RORA: variants seen among roughly 807,000 people sequenced by gnomAD.
The protein encoded by RORA is nuclear receptor ROR-alpha.
RORA carries 7 observed loss-of-function variants against 69.5 expected under a neutral mutation model. The observed-to-expected ratio is 0.10, with a 90% CI of 0.06 to 0.19. RORA has a LOEUF of 0.19. Ranked by LOEUF, RORA falls within the 10% of genes least tolerant of loss-of-function variation. The probability of loss-of-function intolerance (pLI) is 1.00; values close to 1 mark genes in which losing one functional copy is unlikely to be tolerated. For missense variants in RORA, 457 were observed against 663.0 expected, an observed-to-expected ratio of 0.69 and a Z score of 3.41; for synonymous variants, 261 against 240.8, an observed-to-expected ratio of 1.08 and a Z score of -0.78.
chr15:60,639,727 T>C (rs149155412), intron 2 of RORA, among the ~76,000 whole-genome samples: 81 of 152,268 alleles, frequency 5.3e-4, no homozygotes, highest in African/African-American at 1.8e-3. Context: ...CTGTCTCTCA[T>C]AGTTAAAGTG....
intron 1 of RORA, among the ~76,000 whole-genome samples, chr15:60,919,451 T>A (rs1048802805): frequency 7.9e-5 from 12 of 152,196 alleles, no homozygotes; most frequent in African/African-American, 2.9e-4. Context: ...AATTCCTTCA[T>A]GAGGGAGGAG....
intron 1 of RORA, among the ~76,000 whole-genome samples, chr15:61,020,848 T>A (rs995724223): frequency 7.9e-5 from 12 of 152,196 alleles, no homozygotes; most frequent in Non-Finnish European, 1.8e-4. Flanking sequence ...CTTTTCTCCT[T>A]CCCAAATGGT....
intron 1 of RORA, among the ~76,000 whole-genome samples, chr15:60,913,106 C>T (rs1323889697): frequency 6.6e-6 from 1 of 152,148 alleles, no homozygotes; most frequent in Non-Finnish European, 1.5e-5. Flanking sequence ...CTAAAGTAGG[C>T]TCCACAAAAC....
intron 2 of RORA, among the ~76,000 whole-genome samples, chr15:60,638,887 A>T (rs902729410): frequency 1.3e-5 from 2 of 152,090 alleles, no homozygotes; most frequent in Non-Finnish European, 2.9e-5. Context: ...TTCCCATTTT[A>T]CTTTAATGGT....
rs141152992 is a variant in RORA, at chr15:60,901,058, G to A, written c.167-222372C>T. Among the ~76,000 whole-genome samples, 37 of 152,172 alleles carry A rather than the reference G, an allele frequency of 2.4e-4. No homozygotes were observed. In the East Asian group the frequency reaches 3.5e-3, roughly 14 times the overall value. ...CATATGTGTTTAGTATTGAAATTAT[G>A]CCTATATGTAGAAGGCACACAATAA... On this transcript the variant is annotated intron_variant, in intron 1 of 10. Coordinates refer to ENST00000335670, the MANE Select transcript of RORA (RefSeq NM_134261.3).
intron 2 of RORA, among the ~76,000 whole-genome samples, chr15:60,585,439 GT>G (rs201494526): frequency 5.9e-5 from 9 of 151,984 alleles, no homozygotes; most frequent in African/African-American, 1.9e-4. Context: ...GGGGTTAATA[GT>G]TTTTTTCATC....
At chr15:60,834,448 CAGATATGTCCT>C (rs2073088615) in intron 1 of RORA, among the ~76,000 whole-genome samples, 1 of 152,178 alleles carries the variant, frequency 6.6e-6, no homozygotes, top group South Asian at 2.1e-4. Flanking sequence ...AAAATGGCCC[CAGATATGTCCT>C]AGGATGCCAA....
intron 1 of RORA, among the ~76,000 whole-genome samples, chr15:60,746,830 A>C (rs142587976): frequency 1.8e-4 from 28 of 152,336 alleles, no homozygotes; most frequent in Non-Finnish European, 2.6e-4. Flanking sequence ...AATTCAGATT[A>C]TTATTTCAAC....
At chr15:60,553,254 G>C (rs1175550922) in intron 2 of RORA, among the ~76,000 whole-genome samples, 1 of 152,084 alleles carries the variant, frequency 6.6e-6, no homozygotes, top group Non-Finnish European at 1.5e-5. Flanking sequence ...ATTACTATAA[G>C]GTCAAGATGG....
chr15:61,136,183 A>G (rs1045639025), intron 1 of RORA, among the ~76,000 whole-genome samples: 1 of 134,646 alleles, frequency 7.4e-6, no homozygotes. Context: ...TCCCTCCCCC[A>G]CCCAAATATT....
chr15:60,814,129 A>G (rs879751557), intron 1 of RORA, among the ~76,000 whole-genome samples: 1 of 152,202 alleles, frequency 6.6e-6, no homozygotes, highest in African/African-American at 2.4e-5. Flanking sequence ...AACTTTTTAT[A>G]TGGCTTCCAA....
At chr15:60,627,551 T>C (rs201238634) in intron 2 of RORA, 39 of 1,360,016 alleles carry the variant, frequency 2.9e-5, no homozygotes, top group East Asian at 2.7e-5. Flanking sequence ...GGCAGTGGAA[T>C]CCCAGCCACA....
chr15:61,085,660 T>C (rs2078614501), intron 1 of RORA, among the ~76,000 whole-genome samples: 1 of 152,190 alleles, frequency 6.6e-6, no homozygotes, highest in South Asian at 2.1e-4. Flanking sequence ...CACTGCTCTA[T>C]TCCCAGGATG....
chr15:60,669,339 TTTTGTTTGTTTGTTTG>T (rs200982896), intron 2 of RORA, among the ~76,000 whole-genome samples: 2 of 140,830 alleles, frequency 1.4e-5, no homozygotes, highest in African/African-American at 5.0e-5. Context: ...ATAAGCGTTT[TTTTGTTTGTTTGTTTG>T]TTTGTTTGTT....
At chr15:60,861,889 G>C (rs989307440) in intron 1 of RORA, among the ~76,000 whole-genome samples, 4 of 152,164 alleles carry the variant, frequency 2.6e-5, no homozygotes, top group Admixed American at 2.6e-4. Flanking sequence ...CTCTATCCCA[G>C]CTATTACACT....
At chr15:61,030,962 A>C (rs1485702912) in intron 1 of RORA, among the ~76,000 whole-genome samples, 1 of 152,248 alleles carries the variant, frequency 6.6e-6, no homozygotes, top group Non-Finnish European at 1.5e-5. Flanking sequence ...ATGCACACAT[A>C]CACATGTATA....
At chr15:60,690,058 T>C (rs2140771849) in intron 1 of RORA, among the ~76,000 whole-genome samples, 1 of 152,270 alleles carries the variant, frequency 6.6e-6, no homozygotes, top group Non-Finnish European at 1.5e-5. Flanking sequence ...GTTACCACAG[T>C]TCCATGAAAT....
At chr15:61,162,532 G>C (rs2079504388) in intron 1 of RORA, among the ~76,000 whole-genome samples, 1 of 152,142 alleles carries the variant, frequency 6.6e-6, no homozygotes, top group Non-Finnish European at 1.5e-5. Flanking sequence ...AGTAACATAA[G>C]GGGGAAAGGT....
chr15:61,003,733 G>A (rs1009838062), intron 1 of RORA, among the ~76,000 whole-genome samples: 1 of 152,132 alleles, frequency 6.6e-6, no homozygotes, highest in African/African-American at 2.4e-5. Context: ...GAAGACAGAA[G>A]AAATTATCTT....
Sources: gnomAD v4.1 joint callset for allele counts (sites outside exome capture counted in the v4.1 genomes callset) on GRCh38, gnomAD v4.1.1 for gene constraint, MANE v1.5 for transcripts, NCBI Gene and HGNC (gene_info 2026-07-23, HGNC 2026-07-21) for gene names.